The following PODXL variants were observed in gnomAD, a reference collection of about 807,000 sequenced individuals.
The protein encoded by PODXL is podocalyxin like.
Under a neutral mutation model 48.9 loss-of-function variants are expected in PODXL, and 20 were observed. The observed-to-expected ratio is 0.41, with a 90% CI of 0.29 to 0.59. The LOEUF (loss-of-function observed/expected upper bound fraction) is 0.59. Ranked by LOEUF, PODXL falls within the 20% of genes least tolerant of loss-of-function variation. The pLI is 0.31. For synonymous variants in PODXL, 295 were observed against 287.4 expected (o/e 1.03, Z -0.27); for missense variants, 606 against 675.1 (o/e 0.90, Z 1.13).
At chr7:131,515,945 C>T (rs1380052138) in intron 1 of PODXL, among the ~76,000 whole-genome samples, 2 of 152,194 alleles carry the variant, frequency 1.3e-5, no homozygotes, top group African/African-American at 4.8e-5. Context: ...AGGAAAAACA[C>T]AGACTCTGAC....
intron 1 of PODXL, among the ~76,000 whole-genome samples, chr7:131,528,494 A>C (rs1798222982): frequency 6.6e-6 from 1 of 152,204 alleles, no homozygotes; most frequent in Non-Finnish European, 1.5e-5. Context: ...CCAGCCCCTG[A>C]GTTCCTGATT....
At chr7:131,538,448 T>C (rs979165121) in intron 1 of PODXL, among the ~76,000 whole-genome samples, 12 of 152,016 alleles carry the variant, frequency 7.9e-5, no homozygotes, top group African/African-American at 2.9e-4. Context: ...CTGATGAAAA[T>C]CAGGCCCAGA....
intron 1 of PODXL, among the ~76,000 whole-genome samples, chr7:131,544,760 G>A (rs562117267): frequency 5.9e-5 from 9 of 152,180 alleles, no homozygotes; most frequent in Non-Finnish European, 1.2e-4. Context: ...CCACCTGCGA[G>A]TAGTGCCTTA....
chr7:131,556,195 C>T (rs1416107940), intron 1 of PODXL, 65 bp downstream of exon 1: 3 of 1,374,716 alleles, frequency 2.2e-6, no homozygotes, highest in Non-Finnish European at 1.9e-6. Flanking sequence ...TTCCCTGCAG[C>T]TCGGCCGGGC....
At position 131,546,852 on chromosome 7, in the gene PODXL, G is replaced by GT. The variant is rs1372877764; in HGVS notation, c.100+9407dup. Among the ~76,000 whole-genome samples, 4 of 152,160 alleles carry GT rather than the reference G, an allele frequency of 2.6e-5. No individual in the cohort carries two copies. In the East Asian group the frequency reaches 7.7e-4, roughly 29 times the overall value. On this transcript the variant is annotated intron_variant, in intron 1 of 8. Transcript: ENST00000378555. ...TAGGAAGGCAGGGGGCGCCATCTCA[G>GT]TGGCTTCTTAGCTAAGCCCACCCTG...
chr7:131,507,672 A>AGG (rs1239767903), intron 5 of PODXL, among the ~76,000 whole-genome samples: 1 of 113,038 alleles, frequency 8.8e-6, no homozygotes, highest in Non-Finnish European at 1.9e-5. Context: ...GCAAAGGGAA[A>AGG]AAAAAAAAAA....
rs115588286 is a variant in PODXL at position 131,549,837 on chromosome 7, T to C, written c.100+6423A>G. On this transcript the variant is annotated intron_variant, in intron 1 of 8. Transcript: ENST00000378555. Reference sequence around the variant, plus strand: ...TCCTCGGAAGTGTGAGGTGGCTTATTCCCAAGGGGAATAAGGCTACAAAAG... The same window carrying C: ...TCCTCGGAAGTGTGAGGTGGCTTATCCCCAAGGGGAATAAGGCTACAAAAG... 2.4e-3 allele frequency among the ~76,000 whole-genome samples: 360 copies of C among 152,312 alleles called. 2 individuals carry two copies. The highest frequency in any genetic ancestry group is 8.6e-3 in the African/African-American group (357 of 41,562).
chr7:131,555,122 C>T (rs1798723494), intron 1 of PODXL, among the ~76,000 whole-genome samples: 1 of 152,166 alleles, frequency 6.6e-6, no homozygotes, highest in South Asian at 2.1e-4. Context: ...AGAGACTGTA[C>T]TGCCCTTCCA....
chr7:131,546,612 A>G (rs1420637671), intron 1 of PODXL, among the ~76,000 whole-genome samples: 1 of 151,668 alleles, frequency 6.6e-6, no homozygotes, highest in African/African-American at 2.4e-5. Context: ...TGTAATCCCA[A>G]CTATGGGGGA....
intron 1 of PODXL, among the ~76,000 whole-genome samples, chr7:131,543,852 C>T (rs953261483): frequency 2.0e-5 from 3 of 152,150 alleles, no homozygotes; most frequent in Non-Finnish European, 4.4e-5. Flanking sequence ...CCCCAGAAGC[C>T]AAATGCATGA....
rs1344675214 is a variant in PODXL, at chr7:131,501,641, AACCACAGTTT to A, written c.*2660_*2669del. ...TCTGGCCTCCTGTGCAGCTTGGGGA[AACCACAGTTT>A]ACCACTGAAAGAGCTGATGATAAAC... On this transcript the variant is annotated 3_prime_UTR_variant, in exon 9 of 9. Transcript: ENST00000378555. 6.6e-6 allele frequency: 1 copy of A among 152,218 alleles called. No individual in the cohort carries two copies. Among genetic ancestry groups the A allele is most frequent in the Non-Finnish European group, 1.5e-5 (1 of 68,036 alleles). The allele number at this position is 152,218 out of a possible 1,614,324, so 9.4% of individuals were successfully genotyped here. A position where few individuals can be genotyped will look rare whatever the true frequency, so the allele number is the denominator to read the frequency against.
chr7:131,529,112 G>C (rs768347345), intron 1 of PODXL, among the ~76,000 whole-genome samples: 1 of 152,028 alleles, frequency 6.6e-6, no homozygotes, highest in Non-Finnish European at 1.5e-5. Flanking sequence ...CAGAGGCCAG[G>C]GTATTTCATT....
At chr7:131,540,134 C>T (rs1227439950) in intron 1 of PODXL, among the ~76,000 whole-genome samples, 1 of 152,136 alleles carries the variant, frequency 6.6e-6, no homozygotes. Flanking sequence ...CTTCAACCTC[C>T]TCCTGGGCTC....
intron 1 of PODXL, among the ~76,000 whole-genome samples, chr7:131,552,443 A>G (rs1798682907): frequency 6.6e-6 from 1 of 152,070 alleles, no homozygotes; most frequent in South Asian, 2.1e-4. Flanking sequence ...TCAGCTTTCC[A>G]CAGGGCAGTG....
intron 1 of PODXL, among the ~76,000 whole-genome samples, chr7:131,529,327 G>A (rs1202350989): frequency 6.6e-6 from 1 of 152,142 alleles, no homozygotes; most frequent in African/African-American, 2.4e-5. Flanking sequence ...GGGGCCAGGG[G>A]GACAGTGGGA....
chr7:131,548,375 G>T (rs888057469), intron 1 of PODXL, among the ~76,000 whole-genome samples: 1 of 152,236 alleles, frequency 6.6e-6, no homozygotes, highest in Non-Finnish European at 1.5e-5. Flanking sequence ...TTGGGTGCCT[G>T]AAATAAAAAT....
rs755973962 is a variant in PODXL, at chr7:131,509,345, C to CT, written c.1023+19_1023+20insA. On this transcript the variant is annotated intron_variant, in intron 4 of 8. Transcript: ENST00000378555. The stretch of plus-strand genomic sequence containing the variant: ...CCCGAGTCTGGGTTCTCCTACTTGC[C>CT]CCACCCCTGCTGGAGTTACCCAGTT... 8 of 1,590,070 alleles carry CT rather than the reference C, an allele frequency of 5.0e-6. No homozygotes were observed. In the East Asian group the frequency reaches 1.6e-4, roughly 31 times the overall value.
At chr7:131,534,550 G>C (rs554738393) in intron 1 of PODXL, among the ~76,000 whole-genome samples, 13 of 152,242 alleles carry the variant, frequency 8.5e-5, no homozygotes, top group African/African-American at 2.4e-4. Flanking sequence ...AGGGTGGGGT[G>C]GGGGTCAGGA....
At chr7:131,519,262 C>T (rs1798056552) in intron 1 of PODXL, among the ~76,000 whole-genome samples, 1 of 152,152 alleles carries the variant, frequency 6.6e-6, no homozygotes, top group East Asian at 1.9e-4. Flanking sequence ...TAAAACCAGG[C>T]TTGGTTTTTT....
Sources: allele counts gnomAD v4.1 joint callset (sites outside exome capture counted in the v4.1 genomes callset), GRCh38; gene constraint gnomAD v4.1.1; transcripts MANE v1.5; gene names NCBI Gene and HGNC (gene_info 2026-07-23, HGNC 2026-07-21).